GNAS: variants seen among roughly 807,000 people sequenced by gnomAD.
GNAS encodes protein ALEX.
GNAS carries 8 observed loss-of-function variants against 54.5 expected under a neutral mutation model. The observed-to-expected ratio is 0.15, with a 90% CI of 0.09 to 0.26. GNAS has a LOEUF of 0.26. Ranked by LOEUF, GNAS falls within the 10% of genes least tolerant of loss-of-function variation. The probability of loss-of-function intolerance (pLI) is 1.00; values close to 1 mark genes in which losing one functional copy is unlikely to be tolerated. For missense variants in GNAS, 170 were observed against 529.8 expected (o/e 0.32, Z 6.67); for synonymous variants, 204 against 191.4 (o/e 1.07, Z -0.54).
rs1023678554 is a variant in GNAS at position 58,903,080 on chromosome 20, TTCTC to T, written c.258-448_258-445del. 1.5e-5 allele frequency: 5 copies of T among 329,908 alleles called. No homozygotes were observed. In the East Asian group the frequency reaches 2.4e-4, roughly 16 times the overall value. 20.4% of individuals were successfully genotyped at this position (329,908 alleles called of 1,614,324 possible). On this transcript the variant is annotated intron_variant, in intron 3 of 12. Transcript: ENST00000371085. ...AAACACCACCACCTGTGCTCACTGG[TTCTC>T]TCAGTATGCTAGCAACTGAGTTAAT... is the stretch of plus-strand genomic sequence containing the variant.
chr20:58,868,022 C>CTTTTTTTTT (rs370255144), intron 1 of GNAS, among the ~76,000 whole-genome samples: 8 of 132,616 alleles, frequency 6.0e-5, no homozygotes, highest in African/African-American at 2.0e-4. Context: ...TTCTTTCTTT[C>CTTTTTTTTT]TTTTTTTTTT....
intron 1 of GNAS, among the ~76,000 whole-genome samples, chr20:58,878,692 C>A (rs2145771631): frequency 6.6e-6 from 1 of 152,182 alleles, no homozygotes; most frequent in Middle Eastern, 3.4e-3. Context: ...AGTGATCTGG[C>A]TGATTTTAAT....
At chr20:58,855,664 G>T (rs1213630176) in intron 1 of GNAS, 2 of 700,698 alleles carry the variant, frequency 2.9e-6, no homozygotes, top group South Asian at 1.5e-5. Flanking sequence ...GAACTGCCGG[G>T]GAGGGGCCCC....
At chr20:58,880,002 CT>C (rs1464143734) in intron 1 of GNAS, among the ~76,000 whole-genome samples, 1 of 152,110 alleles carries the variant, frequency 6.6e-6, no homozygotes, top group Non-Finnish European at 1.5e-5. Context: ...CAACCCAAAC[CT>C]TTTATTTCAA....
chr20:58,872,164 T>G lies in GNAS; in HGVS notation c.44-23448T>G, dbSNP rs573089170. Among the ~76,000 whole-genome samples the G allele has an allele frequency of 2.0e-5, 3 of 152,360 alleles. No individual in the cohort carries two copies. The East Asian group carries it at 5.8e-4, about 29-fold the overall frequency. ...TGACCACTGCCCTCTCACCTCTTAT[T>G]GCTTTCCCAAGTGTTTACCTCCTGA... On this transcript the variant is annotated intron_variant, in intron 1 of 12. Transcript: ENST00000306090.
chr20:58,892,756 C>T (rs899378144), intron 1 of GNAS, among the ~76,000 whole-genome samples: 11 of 151,526 alleles, frequency 7.3e-5, no homozygotes, highest in African/African-American at 2.7e-4. Flanking sequence ...AGAGTTAGTA[C>T]GAGAAGTGCC....
Position 58,909,941 on chromosome 20 carries a change from C to T in GNAS, c.840-10C>T. ...TCTCCCAAGCATTCACACGGCCTCC[C>T]TTCTTGTAGATGGCTGCGCACCATC... On this transcript the variant is annotated splice_polypyrimidine_tract_variant and intron_variant, in intron 10 of 12. Transcript: ENST00000371085. The surrounding 1 kb of genome is among the most constrained non-coding windows in gnomAD (Gnocchi z 7.3). 6.2e-7 allele frequency: 1 copy of T among 1,614,130 alleles called. No homozygotes were observed. The highest frequency in any genetic ancestry group is 1.1e-5 in the South Asian group (1 of 91,084).
upstream of GNAS, chr20:58,889,222 C>CCGACG (rs1555882378): frequency 3.3e-6 from 4 of 1,199,792 alleles, no homozygotes; most frequent in South Asian, 2.8e-5. Context: ...AGGTGGCTGG[C>CCGACG]CGGCGCGGCG....
intron 1 of GNAS, among the ~76,000 whole-genome samples, chr20:58,870,991 G>C (rs1320751020): frequency 1.3e-5 from 2 of 152,192 alleles, no homozygotes. Context: ...AGTTTTGAGA[G>C]GGCATGAATC....
chr20:58,854,835 C>G, intron 1 of GNAS: 1 of 1,595,608 alleles, frequency 6.3e-7, no homozygotes, highest in Non-Finnish European at 8.5e-7. Flanking sequence ...CGGGGCCAGA[C>G]GCAAGATCCA....
intron 3 of GNAS, among the ~76,000 whole-genome samples, chr20:58,902,725 C>CTTGTTTTTTTTTTTTT (rs2090736438): frequency 1.4e-5 from 1 of 69,488 alleles, no homozygotes; most frequent in African/African-American, 6.7e-5. Flanking sequence ...GCACATACGA[C>CTTGTTTTTTTTTTTTT]TTTTTTTTTT....
chr20:58,909,099 C>G lies in GNAS; in HGVS notation c.531-63C>G. On this transcript the variant is annotated intron_variant, in intron 6 of 12. Transcript: ENST00000371085. This position sits in a 1 kb window ranked among gnomAD's most constrained non-coding sequence, Gnocchi z 7.3. Reference sequence around the variant, plus strand: ...TTGAGCCTGACCTTGTAGAGAGACACAAATAGTTGGCAAATTGATGTGAGC... The same window carrying G: ...TTGAGCCTGACCTTGTAGAGAGACAGAAATAGTTGGCAAATTGATGTGAGC... 7.1e-7 allele frequency: 1 copy of G among 1,399,674 alleles called. No individual in the cohort carries two copies. The highest frequency in any genetic ancestry group is 1.0e-6 in the Non-Finnish European group (1 of 984,704). 86.7% of individuals were successfully genotyped at this position (1,399,674 alleles called of 1,614,324 possible).
chr20:58,892,021 G>A, intron 1 of GNAS, 156 bp downstream of exon 1: 1 of 821,684 alleles, frequency 1.2e-6, no homozygotes, highest in Non-Finnish European at 1.5e-6. Flanking sequence ...GCCGGAAGGG[G>A]GACCCAGGGG....
intron 1 of GNAS, among the ~76,000 whole-genome samples, chr20:58,849,547 C>T (rs1301353641): frequency 6.6e-6 from 1 of 152,206 alleles, no homozygotes; most frequent in Admixed American, 6.5e-5. Flanking sequence ...GCAAAAATCT[C>T]CATCCCAACT....
chr20:58,884,229 G>A (rs2088440879), intron 1 of GNAS, among the ~76,000 whole-genome samples: 1 of 152,174 alleles, frequency 6.6e-6, no homozygotes, highest in Non-Finnish European at 1.5e-5. Context: ...CTATTTAGCA[G>A]TCGTTTCATT....
intron 1 of GNAS, among the ~76,000 whole-genome samples, chr20:58,878,426 G>A (rs1316970800): frequency 6.6e-6 from 1 of 152,242 alleles, no homozygotes; most frequent in African/African-American, 2.4e-5. Flanking sequence ...GGGCTTTGCA[G>A]TAGGTGAATT....
At chr20:58,864,243 T>C (rs908981098) in intron 1 of GNAS, 1 of 152,218 alleles carries the variant, frequency 6.6e-6, no homozygotes, top group Non-Finnish European at 1.5e-5. Context: ...AAATCTATGG[T>C]TATGTAACAT....
intron 1 of GNAS, chr20:58,883,042 A>G (rs2088346022): frequency 1.3e-5 from 2 of 152,182 alleles, no homozygotes; most frequent in Admixed American, 1.3e-4. Flanking sequence ...GGGAAAAAAA[A>G]AAGTTCGTCA....
At chr20:58,899,198 T>G (rs1447138362) in intron 3 of GNAS, among the ~76,000 whole-genome samples, 1 of 152,216 alleles carries the variant, frequency 6.6e-6, no homozygotes, top group African/African-American at 2.4e-5. Context: ...ATGCTTAAAG[T>G]AGAATGAGAT....
Sources: allele counts gnomAD v4.1 joint callset (sites outside exome capture counted in the v4.1 genomes callset), GRCh38; gene constraint gnomAD v4.1.1; non-coding constraint Gnocchi (gnomAD v3.1); transcripts MANE v1.5; gene names NCBI Gene and HGNC (gene_info 2026-07-23, HGNC 2026-07-21).